PCDHA4: variants seen among roughly 807,000 people sequenced by gnomAD.
PCDHA4 encodes the protein protocadherin alpha-4.
PCDHA4 carries 49 observed loss-of-function variants against 61.4 expected under a neutral mutation model. That is an observed-to-expected ratio of 0.80 (90% confidence interval 0.63 to 1.01). The LOEUF (loss-of-function observed/expected upper bound fraction) is 1.01. PCDHA4 is among the 50% of genes least tolerant of loss of function. The pLI is 0.00. For missense variants in PCDHA4, 1,254 were observed against 1,235.8 expected (o/e 1.01, Z -0.22); for synonymous variants, 590 against 550.3 (o/e 1.07, Z -1.01).
At chr5:140,944,053 A>G (rs246065) in intron 1 of PCDHA4, among the ~76,000 whole-genome samples, 85,768 of 152,016 alleles carry the variant, frequency 0.56, 24,809 homozygotes, top group African/African-American at 0.69. Context: ...TTGGGATACA[A>G]AAAGGTTTCT....
At chr5:140,940,873 A>G (rs541083185) in intron 1 of PCDHA4, among the ~76,000 whole-genome samples, 10 of 152,352 alleles carry the variant, frequency 6.6e-5, no homozygotes, top group African/African-American at 2.4e-4. Context: ...CAGTGAGTGA[A>G]TACTACTGCT....
At chr5:140,838,075 ATAGTGT>A (rs1332388454) in intron 1 of PCDHA4, among the ~76,000 whole-genome samples, 13,757 of 126,792 alleles carry the variant, frequency 0.11, 706 homozygotes, top group East Asian at 0.24. Context: ...TTATATATAT[ATAGTGT>A]GTGTGTGTGT....
chr5:140,891,934 T>C lies in PCDHA4; in HGVS notation c.2385+82362T>C, dbSNP rs373423866. Among the ~76,000 whole-genome samples the C allele has an allele frequency of 5.9e-5, 9 of 152,230 alleles. No homozygotes were observed. The East Asian group carries it at 9.6e-4, about 16-fold the overall frequency. ...AGATGCTGGTGCCTTGATCTTGGAC[T>C]TCCCCTAGGCTCCAGAATTGTGAGA... On this transcript the variant is annotated intron_variant, in intron 1 of 3. Transcript: ENST00000530339.
chr5:140,852,387 C>T (rs1288868596), intron 1 of PCDHA4: 3 of 184,816 alleles, frequency 1.6e-5, no homozygotes, highest in African/African-American at 4.9e-5. Context: ...AAGCAATTCT[C>T]CTGCCTCAGC....
rs2150237925 is a variant in PCDHA4 at position 140,835,548 on chromosome 5, C to T, written c.2385+25976C>T. The T allele has an allele frequency of 3.1e-6, 5 of 1,613,950 alleles. No individual in the cohort carries two copies. The South Asian group carries it at 3.3e-5, about 11-fold the overall frequency. On this transcript the variant is annotated intron_variant, in intron 1 of 3. Transcript: ENST00000530339. The stretch of plus-strand genomic sequence containing the variant: ...AGTCAACGGACAGGTTACCTGCTCC[C>T]TGACGCCCCGCGTTCCCTTCAAGTT...
At chr5:140,843,385 T>A in intron 1 of PCDHA4, 1 of 1,595,902 alleles carries the variant, frequency 6.3e-7, no homozygotes, top group South Asian at 1.1e-5. Flanking sequence ...GCGTTTTGGG[T>A]CCGGAAGCGG....
At chr5:140,861,347 G>C (rs2046872625) in intron 1 of PCDHA4, 2 of 297,216 alleles carry the variant, frequency 6.7e-6, no homozygotes, top group Non-Finnish European at 6.8e-6. Context: ...GGCCAAGGAC[G>C]GCACATAGCG....
At chr5:141,008,707 T>C (rs1255261995) in intron 3 of PCDHA4, among the ~76,000 whole-genome samples, 1 of 152,216 alleles carries the variant, frequency 6.6e-6, no homozygotes, top group Non-Finnish European at 1.5e-5. Flanking sequence ...TGGTTTCTAG[T>C]TGCTTGAGTG....
chr5:140,829,795 T>A, intron 1 of PCDHA4: 1 of 1,613,722 alleles, frequency 6.2e-7, no homozygotes, highest in Non-Finnish European at 8.5e-7. Context: ...TGCTGGCGCC[T>A]CGGGTGGGTG....
In PCDHA4 at chr5:140,809,116, G is replaced by C; in HGVS notation, c.1929G>C (p.Pro643=). The part of the protein sequence containing the change: ...TTRALDETDA[P]RHRLLVLVKD... ...GTGCCCTGGACGAAACGGACGCTCC[G>C]CGCCACCGCCTACTGGTACTGGTGA... Residue 643 remains proline (P), a synonymous_variant, in exon 1 of 4, where the codon CCG becomes CCC. Transcript: ENST00000530339. 2.5e-6 allele frequency: 4 copies of C among 1,613,978 alleles called. No homozygotes were observed. The highest frequency in any genetic ancestry group is 3.4e-6 in the Non-Finnish European group (4 of 1,179,926).
At chr5:140,884,391 C>G in intron 1 of PCDHA4, 1 of 1,613,982 alleles carries the variant, frequency 6.2e-7, no homozygotes, top group Non-Finnish European at 8.5e-7. Flanking sequence ...TGCGCGGTGT[C>G]CAGCCTGTTG....
intron 1 of PCDHA4, chr5:140,870,821 G>A (rs782742871): frequency 6.2e-7 from 1 of 1,613,736 alleles, no homozygotes; most frequent in South Asian, 1.1e-5. Flanking sequence ...GGCAGCGCGG[G>A]AGGCGCAGTT....
intron 1 of PCDHA4, among the ~76,000 whole-genome samples, chr5:140,951,182 C>T (rs782338729): frequency 9.2e-5 from 14 of 151,876 alleles, no homozygotes; most frequent in East Asian, 1.9e-4. Context: ...AGTCATTGTC[C>T]GCTAATTCCC....
intron 1 of PCDHA4, chr5:140,823,360 C>G (rs2150124994): frequency 1.2e-6 from 2 of 1,612,688 alleles, no homozygotes; most frequent in Non-Finnish European, 8.5e-7. Context: ...GGAAGTGGAG[C>G]TGCTGCAGTT....
chr5:140,863,572 A>T (rs2048074367), intron 1 of PCDHA4: 1 of 368,290 alleles, frequency 2.7e-6, no homozygotes, highest in African/African-American at 2.1e-5. Flanking sequence ...GAATATAAGT[A>T]CTGTAATCCT....
At chr5:141,000,391 CTCTCTATATATA>C (rs1452985170) in intron 3 of PCDHA4, among the ~76,000 whole-genome samples, 26 of 56,648 alleles carry the variant, frequency 4.6e-4, no homozygotes, top group Middle Eastern at 0.011. Flanking sequence ...CTCTCTCTCT[CTCTCTATATATA>C]TATATATATA....
At chr5:140,870,590 G>C in intron 1 of PCDHA4, 1 of 1,613,564 alleles carries the variant, frequency 6.2e-7, no homozygotes, top group Non-Finnish European at 8.5e-7. Context: ...CTGGTGGAGC[G>C]GCGGTTGGGC....
intron 1 of PCDHA4, chr5:140,813,746 A>G (rs1765372320): frequency 6.6e-6 from 1 of 152,412 alleles, no homozygotes; most frequent in Non-Finnish European, 1.5e-5. Flanking sequence ...CTGTAATCCC[A>G]GCACTTTGGG....
intron 1 of PCDHA4, chr5:140,966,561 G>T: frequency 2.0e-6 from 1 of 488,962 alleles, no homozygotes; most frequent in African/African-American, 2.0e-5. Flanking sequence ...GGAGGAGCTG[G>T]AATATGGGGA....
Sources: gnomAD v4.1 joint callset for allele counts (sites outside exome capture counted in the v4.1 genomes callset) on GRCh38, gnomAD v4.1.1 for gene constraint, MANE v1.5 for transcripts, NCBI Gene and HGNC (gene_info 2026-07-23, HGNC 2026-07-21) for gene names.